The following SEC23B variants were observed in gnomAD, a reference collection of about 807,000 sequenced individuals.
The protein encoded by SEC23B is SEC23 homolog B, COPII component.
SEC23B carries 77 observed loss-of-function variants against 104.3 expected under a neutral mutation model. That is an observed-to-expected ratio of 0.74 (90% CI 0.61 to 0.89). The LOEUF (loss-of-function observed/expected upper bound fraction) is 0.89, where lower values mean the gene tolerates loss of function less well. Among genes scored for constraint, SEC23B ranks in the 40% least tolerant of loss-of-function variants. SEC23B has a pLI of 0.00. For synonymous variants in SEC23B, 338 were observed against 332.5 expected (o/e 1.02, Z -0.18); for missense variants, 885 against 949.4 (o/e 0.93, Z 0.89).
At chr20:18,541,918 G>A (rs1482742945) in intron 12 of SEC23B, among the ~76,000 whole-genome samples, 1 of 152,176 alleles carries the variant, frequency 6.6e-6, no homozygotes, top group Non-Finnish European at 1.5e-5. Context: ...AATGAGGCAT[G>A]TCTGTGTTTG....
chr20:18,535,309 A>T (rs1001756101), intron 11 of SEC23B, among the ~76,000 whole-genome samples: 2 of 151,682 alleles, frequency 1.3e-5, no homozygotes. Context: ...CAGGAGGTCG[A>T]GGCTGCAGTG....
At chr20:18,542,925 C>A in intron 13 of SEC23B, 94 bp from the exon 14 acceptor site, 1 of 1,487,638 alleles carries the variant, frequency 6.7e-7, no homozygotes, top group Non-Finnish European at 9.4e-7. Flanking sequence ...AGGAATGAGC[C>A]ACTGCACCTA....
intron 4 of SEC23B, 26 bp from the exon 5 acceptor site, chr20:18,524,407 A>G (rs373161577): frequency 3.9e-6 from 6 of 1,528,140 alleles, no homozygotes; most frequent in South Asian, 1.1e-5. Flanking sequence ...TATATTGATC[A>G]TTATGCTGTT....
chr20:18,531,054 A>T (rs1313300095), intron 10 of SEC23B, among the ~76,000 whole-genome samples: 3 of 152,262 alleles, frequency 2.0e-5, no homozygotes, highest in African/African-American at 2.4e-5. Context: ...AATTAAAAGG[A>T]TCTCAACCAA....
intron 10 of SEC23B, 62 bp from the exon 11 acceptor site, chr20:18,532,602 A>G: frequency 1.7e-6 from 2 of 1,161,010 alleles, no homozygotes; most frequent in Non-Finnish European, 2.6e-6. Flanking sequence ...CATTGTGGCC[A>G]TGATGACAGC....
chr20:18,557,427 A>G (rs962013529), intron 19 of SEC23B, among the ~76,000 whole-genome samples: 1 of 152,158 alleles, frequency 6.6e-6, no homozygotes, highest in African/African-American at 2.4e-5. Context: ...GGCATGAGCC[A>G]CCACACCTGG....
intron 9 of SEC23B, among the ~76,000 whole-genome samples, chr20:18,527,833 T>C (rs1212359017): frequency 6.6e-6 from 1 of 152,120 alleles, no homozygotes; most frequent in Non-Finnish European, 1.5e-5. Flanking sequence ...CGTTTCAGAG[T>C]AACTTATTTC....
chr20:18,511,882 G>A (rs1033811207), intron 2 of SEC23B, among the ~76,000 whole-genome samples: 1 of 152,046 alleles, frequency 6.6e-6, no homozygotes, highest in Non-Finnish European at 1.5e-5. Context: ...CAATAAAGAT[G>A]TTAGAAAAAA....
intron 4 of SEC23B, among the ~76,000 whole-genome samples, chr20:18,520,143 G>A (rs1217988552): frequency 6.6e-6 from 1 of 152,144 alleles, no homozygotes; most frequent in Non-Finnish European, 1.5e-5. Context: ...GAGAGTATAT[G>A]GGTTTGGCAC....
At chr20:18,516,248 CTTT>C (rs71194246) in intron 4 of SEC23B, among the ~76,000 whole-genome samples, 3 of 139,040 alleles carry the variant, frequency 2.2e-5, no homozygotes, top group Admixed American at 7.1e-5. Context: ...CACAGTAATT[CTTT>C]TTTTTTTTTT....
chr20:18,511,255 A>G (rs1206247770), intron 2 of SEC23B, among the ~76,000 whole-genome samples, 199 bp downstream of exon 2: 1 of 152,224 alleles, frequency 6.6e-6, no homozygotes, highest in East Asian at 1.9e-4. Flanking sequence ...ATAATTCCAG[A>G]TAAAATTGGA....
chr20:18,552,158 G>T (rs547428035), intron 17 of SEC23B, among the ~76,000 whole-genome samples: 16 of 152,260 alleles, frequency 1.1e-4, no homozygotes, highest in African/African-American at 3.9e-4. Flanking sequence ...ATTGGTTATT[G>T]ATTTGGTTTC....
At chr20:18,543,265 C>G in intron 14 of SEC23B, 93 bp downstream of exon 14, 1 of 1,517,634 alleles carries the variant, frequency 6.6e-7, no homozygotes. Flanking sequence ...TATAGTGAAT[C>G]AGCAAGAATT....
intron 17 of SEC23B, among the ~76,000 whole-genome samples, chr20:18,552,396 C>T (rs1442608867): frequency 6.6e-6 from 1 of 152,224 alleles, no homozygotes; most frequent in Non-Finnish European, 1.5e-5. Context: ...AGCTGCTCTT[C>T]CCACTGGAAC....
intron 11 of SEC23B, 148 bp from the exon 12 acceptor site, chr20:18,535,505 C>A: frequency 1.5e-6 from 1 of 655,726 alleles, no homozygotes; most frequent in Non-Finnish European, 2.7e-6. Flanking sequence ...GTTCTCTTTT[C>A]AGGAGAAGGT....
intron 2 of SEC23B, among the ~76,000 whole-genome samples, chr20:18,511,369 T>A (rs1414539068): frequency 1.3e-5 from 2 of 152,150 alleles, no homozygotes; most frequent in African/African-American, 4.8e-5. Flanking sequence ...CTTTATTGAT[T>A]CCTCTTAAAG....
At chr20:18,539,077 G>A (rs530533561) in intron 12 of SEC23B, among the ~76,000 whole-genome samples, 8 of 149,892 alleles carry the variant, frequency 5.3e-5, no homozygotes, top group African/African-American at 1.7e-4. Flanking sequence ...GCCACGCATC[G>A]TGGTGCACAC....
At chr20:18,507,594 C>CT (rs1305475844), upstream of SEC23B, 3 of 152,328 alleles carry the variant, frequency 2.0e-5, no homozygotes, top group Non-Finnish European at 4.4e-5. Flanking sequence ...ATCAGCGGGA[C>CT]TTCCCACTGA....
At position 18,532,735 on chromosome 20, in the gene SEC23B, G is replaced by A; in HGVS notation, c.1305G>A (p.Val435=). 6.2e-7 allele frequency: 1 copy of A among 1,612,806 alleles called. No individual in the cohort carries two copies. ...CVSLNVKGPC[V]SENELGVGGT... is the part of the protein sequence containing the mutation. ...CTCTGAATGTGAAAGGACCGTGTGT[G>A]TCAGAAAATGTAAGGAAAACAACTC... The change falls in exon 11 of 20, where the codon GTG becomes GTA. Residue 435 remains valine (V), a synonymous_variant. Transcript: ENST00000650089.
Sources: gnomAD v4.1 joint callset for allele counts (sites outside exome capture counted in the v4.1 genomes callset) on GRCh38, gnomAD v4.1.1 for gene constraint, MANE v1.5 for transcripts, NCBI Gene and HGNC (gene_info 2026-07-23, HGNC 2026-07-21) for gene names.